Variants in ZNF804B observed in about 807,000 individuals in gnomAD.
The protein encoded by ZNF804B is zinc finger 804B.
ZNF804B carries 80 observed loss-of-function variants against 101.4 expected under a neutral mutation model. The ratio of observed to expected loss-of-function variants is 0.79; its 90% CI spans 0.66 to 0.95. The LOEUF is 0.95. ZNF804B is among the 40% of genes least tolerant of loss of function. ZNF804B has a pLI of 0.00. For missense variants in ZNF804B, 1,673 were observed against 1,561.9 expected (o/e 1.07, Z -1.20); for synonymous variants, 622 against 558.8 (o/e 1.11, Z -1.59).
intron 1 of ZNF804B, among the ~76,000 whole-genome samples, chr7:89,100,600 T>G (rs894722285): frequency 6.6e-6 from 1 of 152,020 alleles, no homozygotes; most frequent in Admixed American, 6.6e-5. Flanking sequence ...ATATAAGGTG[T>G]TCAAACTACT....
At chr7:88,810,667 T>TA (rs1242095290) in intron 1 of ZNF804B, among the ~76,000 whole-genome samples, 7 of 126,526 alleles carry the variant, frequency 5.5e-5, no homozygotes, top group Admixed American at 1.6e-4. Flanking sequence ...TGTCTCACAT[T>TA]TAAAAAAAAA....
intron 1 of ZNF804B, among the ~76,000 whole-genome samples, chr7:88,829,016 A>G (rs1791091246): frequency 6.6e-6 from 1 of 152,162 alleles, no homozygotes; most frequent in South Asian, 2.1e-4. Context: ...AAAGAAAAGG[A>G]AGTAATTACT....
At chr7:89,173,797 C>G (rs1791276056) in intron 1 of ZNF804B, among the ~76,000 whole-genome samples, 1 of 151,860 alleles carries the variant, frequency 6.6e-6, no homozygotes, top group Non-Finnish European at 1.5e-5. Context: ...TCAACACAAG[C>G]AAAATTGGCC....
intron 1 of ZNF804B, among the ~76,000 whole-genome samples, chr7:88,787,705 T>G (rs2115675527): frequency 6.6e-6 from 1 of 152,246 alleles, no homozygotes; most frequent in Non-Finnish European, 1.5e-5. Context: ...ATGAGGAAAC[T>G]GAGGTACAGA....
At chr7:88,829,183 C>T (rs1315250905) in intron 1 of ZNF804B, among the ~76,000 whole-genome samples, 1 of 152,102 alleles carries the variant, frequency 6.6e-6, no homozygotes, top group African/African-American at 2.4e-5. Flanking sequence ...CTCCTGTGCT[C>T]AAACTCCTGG....
chr7:89,252,080 C>T (rs1789549543), intron 2 of ZNF804B, among the ~76,000 whole-genome samples: 1 of 151,018 alleles, frequency 6.6e-6, no homozygotes, highest in Admixed American at 6.6e-5. Context: ...TCAAGAGCTT[C>T]TGCACAGCAA....
At chr7:88,778,590 G>A (rs1790180670) in intron 1 of ZNF804B, among the ~76,000 whole-genome samples, 1 of 152,084 alleles carries the variant, frequency 6.6e-6, no homozygotes, top group South Asian at 2.1e-4. Context: ...TTCCCCCTTG[G>A]TTGGGGACAT....
At chr7:89,140,337 G>T (rs62461903) in intron 1 of ZNF804B, among the ~76,000 whole-genome samples, 12,541 of 151,986 alleles carry the variant, frequency 0.083, 550 homozygotes, top group South Asian at 0.092. Context: ...CAACTTATAG[G>T]TGCTTTAGCC....
chr7:89,089,245 C>CAA (rs1160016928), intron 1 of ZNF804B, among the ~76,000 whole-genome samples: 2 of 151,828 alleles, frequency 1.3e-5, no homozygotes, highest in Non-Finnish European at 2.9e-5. Flanking sequence ...ACAAGGAATT[C>CAA]TTCAGTGTTA....
chr7:89,281,785 T>A (rs983821809), intron 2 of ZNF804B, among the ~76,000 whole-genome samples: 1 of 152,132 alleles, frequency 6.6e-6, no homozygotes, highest in African/African-American at 2.4e-5. Flanking sequence ...AAGTAAGATA[T>A]AGTATTAATG....
chr7:89,121,695 C>T (rs1299926847), intron 1 of ZNF804B, among the ~76,000 whole-genome samples: 1 of 152,138 alleles, frequency 6.6e-6, no homozygotes, highest in Non-Finnish European at 1.5e-5. Flanking sequence ...AATAAAGAAT[C>T]TAAAGATTTA....
chr7:89,255,710 T>C (rs546179391), intron 2 of ZNF804B, among the ~76,000 whole-genome samples: 2 of 152,106 alleles, frequency 1.3e-5, no homozygotes, highest in Middle Eastern at 3.4e-3. Context: ...AAAAAGCAGA[T>C]AGCCTAAGGA....
intron 1 of ZNF804B, among the ~76,000 whole-genome samples, chr7:88,814,693 A>T (rs963724946): frequency 7.9e-5 from 12 of 152,162 alleles, no homozygotes; most frequent in Admixed American, 2.0e-4. Flanking sequence ...AATTTAAAAA[A>T]TGGGAATAGA....
At chr7:88,881,652 T>C (rs1457553758) in intron 1 of ZNF804B, among the ~76,000 whole-genome samples, 5 of 152,168 alleles carry the variant, frequency 3.3e-5, no homozygotes, top group African/African-American at 7.2e-5. Context: ...GGGAATCCAA[T>C]TGTAGGGTGC....
Position 89,334,213 on chromosome 7 carries a change from G to A in ZNF804B, c.1231G>A (p.Glu411Lys), listed in dbSNP as rs1185514438. The A allele has an allele frequency of 6.2e-7, 1 of 1,613,438 alleles. No individual in the cohort carries two copies. Among genetic ancestry groups the A allele is most frequent in the African/African-American group, 1.3e-5 (1 of 75,000 alleles). ...TCCAAATTCCAGAATAGAGAACAGA[G>A]AAAAATCTTTAGATAAAACAGAAAG... is the stretch of plus-strand genomic sequence containing the variant. Reference protein sequence around the residue: ...LNPNSRIENREKSLDKTERVS... With the variant: ...LNPNSRIENRKKSLDKTERVS... The change falls in exon 4 of 4, where the codon GAA (glutamate) becomes AAA (lysine). Residue 411 changes from glutamate (E) to lysine (K), a missense_variant. Physicochemically the swap from Glu to Lys is moderately conservative, Grantham distance 56 (BLOSUM62 1). Coordinates refer to ENST00000333190, the MANE Select transcript of ZNF804B (RefSeq NM_181646.5).
chr7:89,197,538 T>C (rs1788573956), intron 1 of ZNF804B, among the ~76,000 whole-genome samples: 1 of 151,922 alleles, frequency 6.6e-6, no homozygotes, highest in Non-Finnish European at 1.5e-5. Context: ...TTATAATATT[T>C]TGTATATACT....
At chr7:89,175,758 T>C (rs1303973076) in intron 1 of ZNF804B, among the ~76,000 whole-genome samples, 1 of 152,110 alleles carries the variant, frequency 6.6e-6, no homozygotes, top group Non-Finnish European at 1.5e-5. Context: ...CAATATTTTA[T>C]AATTTTTATT....
At chr7:89,112,215 C>T (rs1249238986) in intron 1 of ZNF804B, among the ~76,000 whole-genome samples, 1 of 151,810 alleles carries the variant, frequency 6.6e-6, no homozygotes, top group African/African-American at 2.4e-5. Context: ...CATAGATTTT[C>T]TCCTAAGCTA....
chr7:89,072,007 G>T (rs1014672117), intron 1 of ZNF804B, among the ~76,000 whole-genome samples: 4 of 152,172 alleles, frequency 2.6e-5, no homozygotes, highest in Non-Finnish European at 5.9e-5. Flanking sequence ...ATGGGAAAGA[G>T]AAGCTAACCT....
Sources: gnomAD v4.1 joint callset for allele counts (sites outside exome capture counted in the v4.1 genomes callset) on GRCh38, gnomAD v4.1.1 for gene constraint, MANE v1.5 for transcripts, NCBI Gene and HGNC (gene_info 2026-07-23, HGNC 2026-07-21) for gene names.